The following EHBP1 variants were observed in gnomAD, a reference collection of about 807,000 sequenced individuals.
EHBP1 encodes the protein EH domain-binding protein 1.
A neutral mutation model predicts 144.0 loss-of-function variants in EHBP1; 55 were observed. The observed-to-expected ratio is 0.38, with a 90% CI of 0.31 to 0.48. EHBP1 has a LOEUF of 0.48. EHBP1 is among the 20% of genes least tolerant of loss of function. EHBP1 has a pLI of 0.98. For missense variants in EHBP1, 1,200 were observed against 1,364.2 expected, an observed-to-expected ratio of 0.88 and a Z score of 1.90; for synonymous variants, 469 against 472.7, an observed-to-expected ratio of 0.99 and a Z score of 0.10.
At chr2:62,822,223 A>T (rs149732699) in intron 5 of EHBP1, among the ~76,000 whole-genome samples, 1 of 152,308 alleles carries the variant, frequency 6.6e-6, no homozygotes, top group East Asian at 1.9e-4. Context: ...TCATGTACAG[A>T]GAAAACATTT....
At chr2:63,026,826 G>T (rs2061003328) in intron 19 of EHBP1, among the ~76,000 whole-genome samples, 1 of 152,186 alleles carries the variant, frequency 6.6e-6, no homozygotes, top group South Asian at 2.1e-4. Context: ...ATGAAGAATG[G>T]TATGCTGCTC....
intron 19 of EHBP1, among the ~76,000 whole-genome samples, chr2:63,036,348 G>A (rs1361050569): frequency 6.6e-6 from 1 of 151,982 alleles, no homozygotes; most frequent in African/African-American, 2.4e-5. Context: ...ACACATGTGT[G>A]ATAGACATAG....
In EHBP1 at chr2:62,829,068, C is replaced by T. The variant is rs539093622; in HGVS notation, c.495-1951C>T. On this transcript the variant is annotated intron_variant, in intron 6 of 22. Transcript: ENST00000431489. ...AGGAAGATGCAGTGAGCCATGTTCACACTGCTGTACTCCAGCCAGCCTGGC... is the reference window on the plus strand; with the variant it reads ...AGGAAGATGCAGTGAGCCATGTTCATACTGCTGTACTCCAGCCAGCCTGGC... Among the ~76,000 whole-genome samples, 33 of 151,404 alleles carry T rather than the reference C, an allele frequency of 2.2e-4. 1 individual carries two copies. The highest frequency in any genetic ancestry group is 2.2e-3 in the Admixed American group (33 of 15,222).
intron 3 of EHBP1, among the ~76,000 whole-genome samples, chr2:62,749,899 G>A (rs1471248547): frequency 6.6e-6 from 1 of 152,118 alleles, no homozygotes; most frequent in African/African-American, 2.4e-5. Context: ...TGTCAGATAA[G>A]TAGGTTGCAA....
intron 2 of EHBP1, among the ~76,000 whole-genome samples, chr2:62,722,352 C>T (rs114710188): frequency 0.021 from 3,251 of 151,716 alleles, 54 homozygotes; most frequent in Non-Finnish European, 0.032. Context: ...AGGTTGGTCT[C>T]GATCTCGTGA....
At chr2:62,857,040 C>G (rs2152782015) in intron 7 of EHBP1, among the ~76,000 whole-genome samples, 2 of 152,224 alleles carry the variant, frequency 1.3e-5, no homozygotes, top group East Asian at 3.9e-4. Context: ...TTGTAGACTT[C>G]TAGACAAGGT....
chr2:63,006,030 G>GC (rs2060022316), intron 19 of EHBP1, among the ~76,000 whole-genome samples: 1 of 151,862 alleles, frequency 6.6e-6, no homozygotes, highest in Non-Finnish European at 1.5e-5. Flanking sequence ...ATTTAAAACT[G>GC]CCTTAAGGAA....
intron 2 of EHBP1, among the ~76,000 whole-genome samples, chr2:62,721,147 C>CT (rs1378782779): frequency 1.3e-5 from 2 of 151,970 alleles, no homozygotes; most frequent in African/African-American, 4.8e-5. Flanking sequence ...AGTTTTTAGT[C>CT]TTTTTTTGTT....
chr2:62,962,181 C>G (rs1274358106), intron 14 of EHBP1, among the ~76,000 whole-genome samples: 2 of 151,600 alleles, frequency 1.3e-5, no homozygotes, highest in South Asian at 2.1e-4. Flanking sequence ...AAAAAATTAC[C>G]CAGGCACGGT....
intron 16 of EHBP1, among the ~76,000 whole-genome samples, chr2:62,992,877 T>C (rs1218573115): frequency 1.3e-5 from 2 of 152,156 alleles, no homozygotes; most frequent in East Asian, 1.9e-4. Context: ...TTAATAAAAA[T>C]AATAAAAGAT....
At chr2:62,735,390 A>G (rs1324651112) in intron 2 of EHBP1, among the ~76,000 whole-genome samples, 2 of 152,064 alleles carry the variant, frequency 1.3e-5, no homozygotes, top group Admixed American at 6.6e-5. Context: ...GTATTTTATA[A>G]TAACAAAATA....
In EHBP1 at chr2:62,948,663, C is replaced by A; in HGVS notation, c.1817C>A (p.Ser606Tyr). 10 of 1,613,986 alleles carry A rather than the reference C, an allele frequency of 6.2e-6. No homozygotes were observed. The highest frequency in any genetic ancestry group is 8.5e-6 in the Non-Finnish European group (10 of 1,179,982). The change falls in exon 13 of 23, where the codon TCC (serine) becomes TAC (tyrosine). Residue 606 changes from serine to tyrosine, a missense_variant. By Grantham distance (144) the Ser-to-Tyr change is moderately radical. This residue lies in a region of EHBP1 where 543 missense variants were observed against 513.1 expected (regional missense o/e 1.06). Transcript: ENST00000431489. ...PDDHLSPSTA[S>Y]PYCRRTKSDT... ...GATCACCTTAGTCCAAGCACAGCCTCCCCTTACTGTCGCAGGACTAAAAGT... is the reference window on the plus strand; with the variant it reads ...GATCACCTTAGTCCAAGCACAGCCTACCCTTACTGTCGCAGGACTAAAAGT...
At chr2:62,917,319 G>A (rs1278989665) in intron 10 of EHBP1, among the ~76,000 whole-genome samples, 2 of 152,118 alleles carry the variant, frequency 1.3e-5, no homozygotes, top group African/African-American at 4.8e-5. Context: ...ATGAATGAAT[G>A]AATGAAAAGA....
chr2:63,035,344 C>T (rs1020189510), intron 19 of EHBP1, among the ~76,000 whole-genome samples: 1 of 152,054 alleles, frequency 6.6e-6, no homozygotes, highest in South Asian at 2.1e-4. Flanking sequence ...TTAAATATTT[C>T]TTATTGTTAG....
At chr2:62,686,088 T>G (rs1218853635) in intron 1 of EHBP1, among the ~76,000 whole-genome samples, 1 of 152,158 alleles carries the variant, frequency 6.6e-6, no homozygotes, top group Non-Finnish European at 1.5e-5. Flanking sequence ...ATTCCTAGTT[T>G]GACTTTTGAG....
chr2:62,705,689 G>C (rs1434715416), upstream of EHBP1: 2 of 152,142 alleles, frequency 1.3e-5, no homozygotes, highest in African/African-American at 4.8e-5. Context: ...GGGCGGTGGA[G>C]GTTGAGCTGC....
chr2:62,990,722 A>T lies in EHBP1; in HGVS notation c.2615A>T (p.Asn872Ile), dbSNP rs775137662. Residue 872 changes from asparagine to isoleucine, a missense_variant, in exon 16 of 23, where the codon AAC becomes ATC. Asn to Ile is a moderately radical substitution (Grantham distance 149, BLOSUM62 -3). This residue lies in a region of EHBP1 where 543 missense variants were observed against 513.1 expected (regional missense o/e 1.06). Coordinates refer to ENST00000431489, the MANE Select transcript of EHBP1 (RefSeq NM_001142616.3). ...GTATTTGCATATTTAACAGAACAAA[A>T]CAGTAAGTTGGTGGACTTGAAGCTG... is the stretch of plus-strand genomic sequence containing the variant. ...KERSKASGEQNSKLVDLKLKK... is the reference protein window; with the variant it reads ...KERSKASGEQISKLVDLKLKK... 13 of 1,613,806 alleles carry T rather than the reference A, an allele frequency of 8.1e-6. No homozygotes were observed. Among genetic ancestry groups the T allele is most frequent in the Non-Finnish European group, 1.1e-5 (13 of 1,179,806 alleles).
At position 62,948,622 on chromosome 2, in the gene EHBP1, G is replaced by C. The variant is rs765254691; in HGVS notation, c.1776G>C (p.Glu592Asp). The change falls in exon 13 of 23, where the codon GAG (glutamate) becomes GAC (aspartate). Residue 592 changes from glutamate to aspartate, a missense_variant. Around this residue, in one of 6 missense-constraint regions of EHBP1, gnomAD observed 543 missense variants for 513.1 expected, o/e 1.06. Coordinates refer to ENST00000431489, the MANE Select transcript of EHBP1 (RefSeq NM_001142616.3). ...GCGGGGTTGGAGAGTCAGAAAGTGA[G>C]CATCAAACTCCTGATGATCACCTTA... ...NDSGVGESESEHQTPDDHLSP... is the reference protein window; with the variant it reads ...NDSGVGESESDHQTPDDHLSP... 6 of 1,613,802 alleles carry C rather than the reference G, an allele frequency of 3.7e-6. No homozygotes were observed. The highest frequency in any genetic ancestry group is 1.1e-5 in the South Asian group (1 of 91,086).
chr2:62,704,114 G>A (rs1004193335), upstream of EHBP1, among the ~76,000 whole-genome samples: 1 of 152,160 alleles, frequency 6.6e-6, no homozygotes, highest in South Asian at 2.1e-4. Flanking sequence ...TAGTGACTTC[G>A]TAAACCACTC....
Sources: allele counts gnomAD v4.1 joint callset (sites outside exome capture counted in the v4.1 genomes callset), GRCh38; gene constraint gnomAD v4.1.1; regional missense constraint gnomAD v4.1.1; transcripts MANE v1.5; gene names NCBI Gene and HGNC (gene_info 2026-07-23, HGNC 2026-07-21).